MEIOSIN: variants seen among roughly 807,000 people sequenced by gnomAD.
MEIOSIN encodes meiosis initiator.
A neutral mutation model predicts 23.4 loss-of-function variants in MEIOSIN; 18 were observed. That is an observed-to-expected ratio of 0.77 (90% confidence interval 0.53 to 1.14). The LOEUF (loss-of-function observed/expected upper bound fraction) is 1.14. MEIOSIN is among the 50% of genes most tolerant of loss of function. MEIOSIN has a pLI of 0.00. For missense variants in MEIOSIN, 428 were observed against 242.9 expected, an observed-to-expected ratio of 1.76 and a Z score of -5.07; for synonymous variants, 187 against 100.6, an observed-to-expected ratio of 1.86 and a Z score of -5.14.
rs1163015119 is a variant in MEIOSIN, at chr19:45,758,943, A to G, written c.1078A>G (p.Ile360Val). 1 of 703,062 alleles carries G rather than the reference A, an allele frequency of 1.4e-6. No individual in the cohort carries two copies. Among genetic ancestry groups the G allele is most frequent in the South Asian group, 1.5e-5 (1 of 67,606 alleles). The allele number at this position is 703,062 out of a possible 1,614,324, so 43.6% of individuals were successfully genotyped here. Residue 360 changes from isoleucine (I) to valine (V), a missense_variant, in exon 10 of 15, where the codon ATC becomes GTC. Transcript: ENST00000457052. ...GAGTGGAACAGGCCACCCAAGTGAG[A>G]TCCTCGGGCTCAGCCCTAGCCTTTT... ...VWSGTGHPSE[I>V]LGLSPSLFSS...
chr19:45,737,264 C>T (rs1255748717), intron 2 of MEIOSIN, among the ~76,000 whole-genome samples: 11 of 151,608 alleles, frequency 7.3e-5, no homozygotes, highest in Admixed American at 5.9e-4. Context: ...ACTGCAGCCT[C>T]GACCTTCTGG....
At chr19:45,760,784 T>C (rs1968921738) in intron 11 of MEIOSIN, among the ~76,000 whole-genome samples, 2 of 151,148 alleles carry the variant, frequency 1.3e-5, no homozygotes, top group East Asian at 2.0e-4. Flanking sequence ...CAAAATTAGC[T>C]GGGCGTGGTG....
intron 11 of MEIOSIN, among the ~76,000 whole-genome samples, chr19:45,761,025 C>T (rs1968929738): frequency 6.6e-6 from 1 of 151,538 alleles, no homozygotes; most frequent in Non-Finnish European, 1.5e-5. Context: ...GCAGTGTCAC[C>T]ATCATAGATC....
intron 3 of MEIOSIN, 71 bp downstream of exon 3, chr19:45,739,801 T>C: frequency 2.9e-6 from 2 of 699,714 alleles, no homozygotes; most frequent in Non-Finnish European, 2.6e-6. Context: ...CAACACCTCT[T>C]ACCCCTAAAA....
In MEIOSIN at chr19:45,764,174, T is replaced by C; in HGVS notation, c.*56T>C. 2.5e-6 allele frequency: 1 copy of C among 398,574 alleles called. No homozygotes were observed. Among genetic ancestry groups the C allele is most frequent in the Non-Finnish European group, 4.4e-6 (1 of 226,014 alleles). The allele number at this position is 398,574 out of a possible 1,614,324, so 24.7% of individuals were successfully genotyped here. ...CCCTCATGGCAACCGCGGCTCTTGC[T>C]GGAAGCCAGGACCCATCGATGAACT... On this transcript the variant is annotated 3_prime_UTR_variant, in exon 15 of 15. Coordinates refer to ENST00000457052, the MANE Select transcript of MEIOSIN (RefSeq NM_001310124.2).
rs189505521 is a variant in MEIOSIN at position 45,762,831 on chromosome 19, G to C, written c.1680-507G>C. On this transcript the variant is annotated intron_variant, in intron 13 of 14. Transcript: ENST00000457052. ...ATAGCTGGTTTTAGGGCTCACACAGGCTGTCTGGAATCTTTGTCCTTTTCA... is the reference window on the plus strand; with the variant it reads ...ATAGCTGGTTTTAGGGCTCACACAGCCTGTCTGGAATCTTTGTCCTTTTCA... Among the ~76,000 whole-genome samples the C allele has an allele frequency of 1.9e-3, 296 of 152,346 alleles. 1 individual carries two copies. The highest frequency in any genetic ancestry group is 6.7e-3 in the African/African-American group (278 of 41,580).
intron 3 of MEIOSIN, among the ~76,000 whole-genome samples, chr19:45,740,395 G>T (rs1262178892): frequency 1.3e-5 from 2 of 152,120 alleles, no homozygotes; most frequent in Admixed American, 6.6e-5. Flanking sequence ...CACCTCCTGG[G>T]ACTGTCCCCT....
At chr19:45,745,085 G>C (rs1300416632) in intron 3 of MEIOSIN, 107 bp from the exon 4 acceptor site, 1 of 664,398 alleles carries the variant, frequency 1.5e-6, no homozygotes, top group East Asian at 2.7e-5. Context: ...TGTCCAGGGT[G>C]GGGTGCGGGC....
At chr19:45,754,004 A>G (rs990371311) in intron 6 of MEIOSIN, among the ~76,000 whole-genome samples, 5 of 150,960 alleles carry the variant, frequency 3.3e-5, no homozygotes, top group African/African-American at 1.2e-4. Flanking sequence ...TTTTTTTGAG[A>G]GAGACTCTCA....
intron 2 of MEIOSIN, among the ~76,000 whole-genome samples, chr19:45,736,870 CTTT>C (rs1179690772): frequency 2.2e-5 from 3 of 135,488 alleles, no homozygotes; most frequent in African/African-American, 5.4e-5. Flanking sequence ...TGCGCCCAGC[CTTT>C]TTTTTTTTTT....
intron 13 of MEIOSIN, 77 bp from the exon 14 acceptor site, chr19:45,763,261 A>G: frequency 2.5e-6 from 1 of 397,914 alleles, no homozygotes; most frequent in Non-Finnish European, 4.4e-6. Context: ...GTAGACCCAC[A>G]AGGCTAGGAA....
At chr19:45,759,849 T>C (rs1968905233) in intron 11 of MEIOSIN, among the ~76,000 whole-genome samples, 1 of 152,150 alleles carries the variant, frequency 6.6e-6, no homozygotes, top group Non-Finnish European at 1.5e-5. Context: ...TCGCCCAGGC[T>C]GGGGTGCAGT....
Position 45,757,265 on chromosome 19 carries a change from A to G in MEIOSIN, c.1000A>G (p.Asn334Asp), listed in dbSNP as rs149565745. The G allele has an allele frequency of 6.4e-4, 453 of 702,782 alleles. 3 individuals are homozygous for G. In the African/African-American group the frequency reaches 7.2e-3, roughly 11 times the overall value. 43.5% of individuals were successfully genotyped at this position (702,782 alleles called of 1,614,324 possible). ...DPWLPAWTPENSPQGSPLFLG... is the reference protein window; with the variant it reads ...DPWLPAWTPEDSPQGSPLFLG... ...TTGGCTCCCTGCCTGGACCCCAGAG[A>G]ACAGCCCCCAAGGTGACTGCAACTC... The change falls in exon 9 of 15, where the codon AAC becomes GAC. Residue 334 changes from asparagine to aspartate, a missense_variant. By Grantham distance (23) the Asn-to-Asp change is conservative. Transcript: ENST00000457052.
At chr19:45,749,290 C>T (rs143438195) in intron 4 of MEIOSIN, among the ~76,000 whole-genome samples, 3,821 of 146,480 alleles carry the variant, frequency 0.026, 164 homozygotes, top group African/African-American at 0.091. Context: ...GAGGATTGCT[C>T]GAGCCTAGGA....
intron 4 of MEIOSIN, among the ~76,000 whole-genome samples, chr19:45,748,984 G>A (rs1355818284): frequency 4.0e-5 from 6 of 151,828 alleles, no homozygotes; most frequent in South Asian, 2.1e-4. Context: ...TGGGAGAATC[G>A]CTTGAACCTG....
At chr19:45,738,198 G>A (rs1302994766) in intron 2 of MEIOSIN, among the ~76,000 whole-genome samples, 1 of 152,142 alleles carries the variant, frequency 6.6e-6, no homozygotes, top group Admixed American at 6.6e-5. Flanking sequence ...AAAAAATAAG[G>A]CCAAAGTTCA....
intron 9 of MEIOSIN, 115 bp from the exon 10 acceptor site, chr19:45,758,763 A>G (rs911487135): frequency 2.6e-5 from 16 of 612,232 alleles, no homozygotes; most frequent in Non-Finnish European, 4.4e-5. Flanking sequence ...ATTCAAAATG[A>G]GAAACTGAGA....
chr19:45,761,623 G>A, intron 11 of MEIOSIN, 56 bp from the exon 12 acceptor site: 2 of 680,590 alleles, frequency 2.9e-6, no homozygotes, highest in Non-Finnish European at 5.4e-6. Context: ...AGTACTGGGG[G>A]GATGAAGGGG....
chr19:45,761,827 C>CCAGCTCCA lies in MEIOSIN; in HGVS notation c.1394_1395insCAGCTCCA (p.Glu466SerfsTer58). ...TCCAGCTCCAGCTCCAGCTCCAGCT[C>CCAGCTCCA]GGAGGACAGCGACTCGGAGCCCCTG... is the stretch of plus-strand genomic sequence containing the variant. On this transcript the variant is annotated frameshift_variant, in exon 12 of 15. Transcript: ENST00000457052. LOFTEE classifies it high-confidence loss of function. The CCAGCTCCA allele has an allele frequency of 1.4e-6, 1 of 698,272 alleles. No individual in the cohort carries two copies. The highest frequency in any genetic ancestry group is 1.5e-5 in the South Asian group (1 of 66,704). The allele number at this position is 698,272 out of a possible 1,614,324, so 43.3% of individuals were successfully genotyped here. A position where few individuals can be genotyped will look rare whatever the true frequency, so the allele number is the denominator to read the frequency against.
Sources: gnomAD v4.1 joint callset for allele counts (sites outside exome capture counted in the v4.1 genomes callset) on GRCh38, gnomAD v4.1.1 for gene constraint, MANE v1.5 for transcripts, NCBI Gene and HGNC (gene_info 2026-07-23, HGNC 2026-07-21) for gene names.